The following ADGRB3 variants were observed in gnomAD, a reference collection of about 807,000 sequenced individuals.
The protein encoded by ADGRB3 is adhesion G protein-coupled receptor B3.
Under a neutral mutation model 193.4 loss-of-function variants are expected in ADGRB3, and 37 were observed. The observed-to-expected ratio is 0.19, with a 90% CI of 0.15 to 0.25. The LOEUF (loss-of-function observed/expected upper bound fraction) is 0.25. Ranked by LOEUF, ADGRB3 falls within the 10% of genes least tolerant of loss-of-function variation. ADGRB3 has a pLI of 1.00. For synonymous variants in ADGRB3, 690 were observed against 644.2 expected (o/e 1.07, Z -1.08); for missense variants, 1,637 against 1,852.9 (o/e 0.88, Z 2.14).
At chr6:68,937,976 T>G (rs1043804399) in intron 5 of ADGRB3, among the ~76,000 whole-genome samples, 7 of 150,990 alleles carry the variant, frequency 4.6e-5, no homozygotes, top group African/African-American at 1.5e-4. Context: ...GTAAAGAGAG[T>G]GGTGGGCAGA....
chr6:69,181,165 G>A (rs989531645), intron 17 of ADGRB3, among the ~76,000 whole-genome samples: 1 of 151,988 alleles, frequency 6.6e-6, no homozygotes, highest in South Asian at 2.1e-4. Flanking sequence ...CCTGAGATGT[G>A]GGGTGTCCTT....
intron 3 of ADGRB3, among the ~76,000 whole-genome samples, chr6:68,795,728 G>A (rs1767194814): frequency 6.6e-6 from 1 of 152,100 alleles, no homozygotes; most frequent in East Asian, 1.9e-4. Context: ...TTCATGAATG[G>A]GATTGAAGGT....
intron 3 of ADGRB3, among the ~76,000 whole-genome samples, chr6:68,797,514 G>A (rs562040759): frequency 6.6e-6 from 1 of 152,152 alleles, no homozygotes; most frequent in East Asian, 1.9e-4. Context: ...CTTAATCCTA[G>A]TAGCAGCATC....
At chr6:69,021,098 A>G (rs916115221) in intron 13 of ADGRB3, among the ~76,000 whole-genome samples, 3 of 151,906 alleles carry the variant, frequency 2.0e-5, no homozygotes, top group African/African-American at 7.2e-5. Context: ...TCTGCTCATT[A>G]TATTGAGCAG....
At chr6:68,829,377 C>G (rs1000110200) in intron 3 of ADGRB3, among the ~76,000 whole-genome samples, 11 of 152,028 alleles carry the variant, frequency 7.2e-5, no homozygotes, top group Non-Finnish European at 1.5e-4. Context: ...GTTGGGAATA[C>G]AAGCATGAGC....
At chr6:69,196,749 CACTT>C (rs771580465) in intron 17 of ADGRB3, among the ~76,000 whole-genome samples, 1 of 152,112 alleles carries the variant, frequency 6.6e-6, no homozygotes. Context: ...CAGTCTGTAA[CACTT>C]ACATAATGAG....
chr6:69,013,086 A>G (rs1769983054), intron 11 of ADGRB3, among the ~76,000 whole-genome samples: 2 of 151,988 alleles, frequency 1.3e-5, no homozygotes, highest in South Asian at 4.1e-4. Flanking sequence ...CCCCCAAGTC[A>G]CAGCTCGCCT....
rs765144304 is a variant in ADGRB3 at position 69,354,257 on chromosome 6, T to C, written c.3484T>C (p.Leu1162=). The C allele has an allele frequency of 2.2e-5, 36 of 1,613,872 alleles. No individual in the cohort carries two copies. Among genetic ancestry groups the C allele is most frequent in the East Asian group, 6.7e-5 (3 of 44,870 alleles). The change falls in exon 27 of 32, where the codon TTG becomes CTG. Residue 1162 remains leucine (L), a synonymous_variant. Coordinates refer to ENST00000370598, the MANE Select transcript of ADGRB3 (RefSeq NM_001704.3). ...REVQDAFRCR[L]RNCQDPINAD... ...GGTTCAGGATGCATTTAGATGCCGA[T>C]TGAGAAACTGTCAGGATCCCATCAA... is the stretch of plus-strand genomic sequence containing the variant.
rs1223848774 is a variant in ADGRB3 at position 69,279,071 on chromosome 6, G to GTGTGTGTA, written c.2814+39846_2814+39847insGTGTGTAT. On this transcript the variant is annotated intron_variant, in intron 20 of 31. Transcript: ENST00000370598. The stretch of plus-strand genomic sequence containing the variant: ...CTCATATGGCATATTAAATACATAT[G>GTGTGTGTA]TATATATATATATATATATATATAT... Among the ~76,000 whole-genome samples the GTGTGTGTA allele has an allele frequency of 5.6e-5, 4 of 71,390 alleles. 1 individual carries two copies. The highest frequency in any genetic ancestry group is 3.3e-4 in the Admixed American group (2 of 6,136). 46.8% of individuals were successfully genotyped at this position (71,390 alleles called of 152,430 possible). A position where few individuals can be genotyped will look rare whatever the true frequency, so the allele number is the denominator to read the frequency against.
chr6:69,096,364 T>G (rs1269636248), intron 17 of ADGRB3, among the ~76,000 whole-genome samples: 1 of 22,398 alleles, frequency 4.5e-5, no homozygotes, highest in Middle Eastern at 0.042. Context: ...TTGTTTTGGG[T>G]TTTTTTTTTT....
intron 20 of ADGRB3, among the ~76,000 whole-genome samples, chr6:69,256,495 C>G (rs1006182067): frequency 1.3e-5 from 2 of 151,976 alleles, no homozygotes; most frequent in African/African-American, 4.8e-5. Context: ...CATGATTTGG[C>G]TCTCTGTTTG....
chr6:68,740,771 C>G (rs1026832417), intron 3 of ADGRB3, among the ~76,000 whole-genome samples: 2 of 152,114 alleles, frequency 1.3e-5, no homozygotes, highest in African/African-American at 2.4e-5. Context: ...TTTGGTGTAT[C>G]TATAGAAGGA....
chr6:69,271,396 A>G (rs1304282830), intron 20 of ADGRB3, among the ~76,000 whole-genome samples: 1 of 152,236 alleles, frequency 6.6e-6, no homozygotes, highest in African/African-American at 2.4e-5. Context: ...TGATGCATAG[A>G]TCAATGATAA....
chr6:69,194,731 G>A (rs1765263016), intron 17 of ADGRB3, among the ~76,000 whole-genome samples: 2 of 152,074 alleles, frequency 1.3e-5, no homozygotes, highest in African/African-American at 2.4e-5. Context: ...AGCCTATAGA[G>A]CTTAATGTTT....
chr6:68,896,298 GA>G (rs1322638283), intron 3 of ADGRB3, among the ~76,000 whole-genome samples: 7 of 152,018 alleles, frequency 4.6e-5, no homozygotes, highest in Non-Finnish European at 1.0e-4. Flanking sequence ...TATGTAGAGG[GA>G]ATACCAAATG....
intron 3 of ADGRB3, among the ~76,000 whole-genome samples, chr6:68,675,026 T>C (rs575375353): frequency 1.3e-5 from 2 of 152,306 alleles, no homozygotes; most frequent in East Asian, 3.9e-4. Flanking sequence ...GTCTAACTGA[T>C]GTGTTTCAGG....
chr6:69,264,620 G>T (rs989577720), intron 20 of ADGRB3, among the ~76,000 whole-genome samples: 25 of 151,442 alleles, frequency 1.7e-4, no homozygotes, highest in Non-Finnish European at 2.5e-4. Context: ...ACTCAGACTT[G>T]CATTCTCGCT....
chr6:68,881,008 G>T (rs1410513800), intron 3 of ADGRB3, among the ~76,000 whole-genome samples: 1 of 151,810 alleles, frequency 6.6e-6, no homozygotes, highest in African/African-American at 2.4e-5. Flanking sequence ...TTTTTAAGTG[G>T]TCATTTGTTG....
intron 17 of ADGRB3, among the ~76,000 whole-genome samples, chr6:69,126,969 A>C (rs1773870170): frequency 6.6e-6 from 1 of 152,176 alleles, no homozygotes; most frequent in Non-Finnish European, 1.5e-5. Context: ...CTTTGCTGGA[A>C]TTTGTCCCCA....
Sources: allele counts gnomAD v4.1 joint callset (sites outside exome capture counted in the v4.1 genomes callset), GRCh38; gene constraint gnomAD v4.1.1; transcripts MANE v1.5; gene names NCBI Gene and HGNC (gene_info 2026-07-23, HGNC 2026-07-21).